TTC1: variants seen among roughly 807,000 people sequenced by gnomAD.
TTC1 encodes the protein tetratricopeptide repeat domain 1, also known as tetratricopeptide repeat protein 1.
TTC1 carries 31 observed loss-of-function variants against 37.6 expected under a neutral mutation model. The observed-to-expected ratio is 0.82, with a 90% CI of 0.62 to 1.11. TTC1 has a LOEUF of 1.11. Ranked by LOEUF, TTC1 falls within the 50% of genes most tolerant of loss-of-function variation. TTC1 has a pLI of 0.00. For synonymous variants in TTC1, 127 were observed against 122.4 expected (o/e 1.04, Z -0.25); for missense variants, 351 against 339.0 (o/e 1.04, Z -0.28).
At chr5:160,019,424 A>G (rs1052273507) in intron 2 of TTC1, among the ~76,000 whole-genome samples, 3 of 151,970 alleles carry the variant, frequency 2.0e-5, no homozygotes, top group Non-Finnish European at 2.9e-5. Context: ...CACCATTTTC[A>G]TAATCTAATT....
chr5:160,052,566 A>C (rs1757431558), intron 7 of TTC1, among the ~76,000 whole-genome samples: 1 of 151,334 alleles, frequency 6.6e-6, no homozygotes, highest in Admixed American at 6.6e-5. Context: ...AAAAAAAAAA[A>C]AAAAAAAACT....
chr5:160,048,270 A>G (rs1757310114), intron 5 of TTC1, among the ~76,000 whole-genome samples: 1 of 151,100 alleles, frequency 6.6e-6, no homozygotes, highest in African/African-American at 2.4e-5. Context: ...TTATGCCTAA[A>G]CCACCCAAAT....
At chr5:160,036,433 G>A (rs543609169) in intron 3 of TTC1, 44 of 342,242 alleles carry the variant, frequency 1.3e-4, no homozygotes, top group Admixed American at 3.5e-4. Flanking sequence ...GAGTATTGAG[G>A]GCTTGTCACT....
chr5:160,065,070 GAT>G lies in TTC1; in HGVS notation c.*7_*8del. The G allele has an allele frequency of 6.2e-7, 1 of 1,608,136 alleles. No individual in the cohort carries two copies. The highest frequency in any genetic ancestry group is 1.1e-5 in the South Asian group (1 of 89,368). ...AATCCAAATAATAACAGATAACAAA[GAT>G]AACAAAAGCTTTACAAGCTGACTTG... On this transcript the variant is annotated 3_prime_UTR_variant, in exon 8 of 8. Coordinates refer to ENST00000231238, the MANE Select transcript of TTC1 (RefSeq NM_003314.3).
In TTC1 at chr5:160,045,552, T is replaced by TCC. The variant is rs142492183; in HGVS notation, c.541+2387_541+2388dup. On this transcript the variant is annotated intron_variant, in intron 5 of 7. Coordinates refer to ENST00000231238, the MANE Select transcript of TTC1 (RefSeq NM_003314.3). ...CTCTCTCTCTCTCTCTCTCTCTCTC[T>TCC]CCCCCTCCCCTCTCTCAATCTCTCA... 8.0e-4 allele frequency among the ~76,000 whole-genome samples: 70 copies of TCC among 87,538 alleles called. 3 individuals carry two copies. The highest frequency in any genetic ancestry group is 1.2e-3 in the Non-Finnish European group (52 of 44,130). The allele number at this position is 87,538 out of a possible 152,430, so 57.4% of individuals were successfully genotyped here.
intron 5 of TTC1, among the ~76,000 whole-genome samples, chr5:160,048,229 G>A (rs900332429): frequency 8.5e-5 from 11 of 128,796 alleles, no homozygotes; most frequent in African/African-American, 2.9e-4. Flanking sequence ...CTCACTGCAC[G>A]CAACCTCCGC....
chr5:160,054,740 CAT>C (rs1301651512), intron 7 of TTC1, among the ~76,000 whole-genome samples: 1 of 151,808 alleles, frequency 6.6e-6, no homozygotes, highest in Non-Finnish European at 1.5e-5. Flanking sequence ...GTTTGAGGAA[CAT>C]AAAGATTTGA....
intron 5 of TTC1, among the ~76,000 whole-genome samples, chr5:160,048,695 C>A (rs1757322744): frequency 6.6e-6 from 1 of 152,216 alleles, no homozygotes; most frequent in African/African-American, 2.4e-5. Context: ...GAATGATAGT[C>A]TGCCACCAGA....
intron 4 of TTC1, among the ~76,000 whole-genome samples, chr5:160,038,407 A>G (rs1406678888): frequency 1.3e-5 from 2 of 152,220 alleles, no homozygotes; most frequent in Non-Finnish European, 2.9e-5. Context: ...CTTCAGTATC[A>G]GAGGAAATGC....
rs527660312 is a variant in TTC1, at chr5:160,064,327, C to T, written c.746-605C>T. Among the ~76,000 whole-genome samples the T allele has an allele frequency of 1.6e-4, 24 of 152,224 alleles. 1 individual carries two copies. Among genetic ancestry groups the T allele is most frequent in the African/African-American group, 4.6e-4 (19 of 41,546 alleles). ...TGAAACTTGGGAAGAGGAGGCTGGA[C>T]TATTGAGGTCTTATTGAGGTTGCTG... On this transcript the variant is annotated intron_variant, in intron 7 of 7. Transcript: ENST00000231238.
chr5:160,058,529 G>A (rs935778831), intron 7 of TTC1, among the ~76,000 whole-genome samples: 6 of 150,864 alleles, frequency 4.0e-5, no homozygotes, highest in African/African-American at 1.5e-4. Flanking sequence ...TCCTGCCTCA[G>A]CCTCCTGAGT....
intron 2 of TTC1, among the ~76,000 whole-genome samples, chr5:160,025,440 G>A (rs1756784754): frequency 6.6e-6 from 1 of 152,232 alleles, no homozygotes; most frequent in Admixed American, 6.5e-5. Flanking sequence ...GGGATTACAG[G>A]TATGGGCTAC....
intron 2 of TTC1, among the ~76,000 whole-genome samples, chr5:160,014,718 A>G (rs564184430): frequency 6.6e-6 from 1 of 152,196 alleles, no homozygotes; most frequent in African/African-American, 2.4e-5. Context: ...GAATAAATAA[A>G]TAATTTTAAA....
At chr5:160,011,256 C>G (rs927982389) in intron 2 of TTC1, among the ~76,000 whole-genome samples, 1 of 151,926 alleles carries the variant, frequency 6.6e-6, no homozygotes, top group African/African-American at 2.4e-5. Flanking sequence ...TGAACATTTC[C>G]TGTTTATGCT....
intron 2 of TTC1, among the ~76,000 whole-genome samples, chr5:160,028,317 A>G (rs1463087762): frequency 6.6e-6 from 1 of 150,558 alleles, no homozygotes; most frequent in Non-Finnish European, 1.5e-5. Flanking sequence ...AAAAAAAAAA[A>G]GTTATCAGCC....
chr5:160,028,063 G>T (rs1477171807), intron 2 of TTC1, among the ~76,000 whole-genome samples: 1 of 152,070 alleles, frequency 6.6e-6, no homozygotes, highest in African/African-American at 2.4e-5. Context: ...ACTTTGAGGG[G>T]CCGAGGCGAG....
chr5:160,029,214 TA>T, intron 2 of TTC1, among the ~76,000 whole-genome samples: 1 of 152,300 alleles, frequency 6.6e-6, no homozygotes, highest in East Asian at 1.9e-4. Flanking sequence ...TTTTGACTCA[TA>T]AGGGTTTCAT....
chr5:160,062,943 C>T (rs879217596), intron 7 of TTC1, among the ~76,000 whole-genome samples: 8 of 152,198 alleles, frequency 5.3e-5, no homozygotes, highest in Admixed American at 6.5e-5. Context: ...CCTCCCTCTA[C>T]GCCCATGTGC....
chr5:160,014,738 T>C (rs538406584), intron 2 of TTC1, among the ~76,000 whole-genome samples: 5 of 152,206 alleles, frequency 3.3e-5, no homozygotes, highest in African/African-American at 1.2e-4. Flanking sequence ...AATCGTCACA[T>C]GTGGCTAGTA....
Sources: gnomAD v4.1 joint callset for allele counts (sites outside exome capture counted in the v4.1 genomes callset) on GRCh38, gnomAD v4.1.1 for gene constraint, MANE v1.5 for transcripts, NCBI Gene and HGNC (gene_info 2026-07-23, HGNC 2026-07-21) for gene names.